Variants in RNF213 observed in about 807,000 individuals in gnomAD.
The protein encoded by RNF213 is ring finger protein 213.
In RNF213, 341 loss-of-function variants were observed where a neutral mutation model predicts 514.4. The ratio of observed to expected loss-of-function variants is 0.66; its 90% CI spans 0.61 to 0.73. The LOEUF is 0.73. Among genes scored for constraint, RNF213 ranks in the 30% least tolerant of loss-of-function variants. The probability of loss-of-function intolerance (pLI) is 0.00; values close to 1 mark genes in which losing one functional copy is unlikely to be tolerated. For synonymous variants in RNF213, 2,655 were observed against 2,658.2 expected, an observed-to-expected ratio of 1.00 and a Z score of 0.04; for missense variants, 5,767 against 6,615.6, an observed-to-expected ratio of 0.87 and a Z score of 4.45.
intron 20 of RNF213, among the ~76,000 whole-genome samples, chr17:80,329,694 G>A (rs925797895): frequency 2.6e-5 from 4 of 152,096 alleles, no homozygotes; most frequent in Non-Finnish European, 4.4e-5. Flanking sequence ...AGCAAGACAC[G>A]GTGGTGCATG....
Position 80,334,143 on chromosome 17 carries a change from C to G in RNF213, c.4182C>G (p.Asp1394Glu), listed in dbSNP as rs1430255373. Residue 1394 changes from aspartate (D) to glutamate (E), a missense_variant, in exon 22 of 68, where the codon GAC becomes GAG. Around this residue, in one of 13 missense-constraint regions of RNF213, gnomAD observed 516 missense variants for 566.5 expected, o/e 0.91. Coordinates refer to ENST00000582970, the MANE Select transcript of RNF213 (RefSeq NM_001256071.3). The part of the protein sequence containing the change: ...NFDDFRRETL[D>E]QINQELIQAK... ...ACGACTTTCGCCGTGAAACACTGGA[C>G]CAGATCAACCAGGAGCTCATCCAGG... is the stretch of plus-strand genomic sequence containing the variant. The G allele has an allele frequency of 1.3e-6, 2 of 1,537,108 alleles. No individual in the cohort carries two copies. The highest frequency in any genetic ancestry group is 2.7e-5 in the African/African-American group (2 of 73,016).
At position 80,372,511 on chromosome 17, in the gene RNF213, T is replaced by C. The variant is rs1555676818; in HGVS notation, c.12538-10T>C. The stretch of plus-strand genomic sequence containing the variant: ...TAATATCCTTTTCTTTCTTGTTCCT[T>C]GTTCCTCAGGATTCAATACTTGAGA... On this transcript the variant is annotated splice_polypyrimidine_tract_variant and intron_variant, in intron 47 of 67. Transcript: ENST00000582970. The C allele has an allele frequency of 1.2e-6, 2 of 1,602,558 alleles. No individual in the cohort carries two copies. Among genetic ancestry groups the C allele is most frequent in the Non-Finnish European group, 1.7e-6 (2 of 1,170,318 alleles).
At position 80,337,599 on chromosome 17, in the gene RNF213, G is replaced by A; in HGVS notation, c.4541G>A (p.Arg1514Lys). The A allele has an allele frequency of 1.3e-6, 2 of 1,537,328 alleles. No homozygotes were observed. Among genetic ancestry groups the A allele is most frequent in the Non-Finnish European group, 1.7e-6 (2 of 1,146,928 alleles). The change falls in exon 24 of 68, where the codon AGG becomes AAG. Residue 1514 changes from arginine (R) to lysine (K), a missense_variant. Physicochemically the swap from Arg to Lys is conservative, Grantham distance 26 (BLOSUM62 2). This residue lies in a region of RNF213 where 1,377 missense variants were observed against 1,635.2 expected (regional missense o/e 0.84). Transcript: ENST00000582970. ...TTGTCCCCATAGTGTGACTCCGCCA[G>A]GAACTTGGAATGGCTGAAGACTGTG... ...YLPRKLCDSA[R>K]NLEWLKTVNE...
At position 80,394,375 on chromosome 17, in the gene RNF213, T is replaced by C. The variant is rs1336713453; in HGVS notation, c.*877T>C. The C allele has an allele frequency of 2.0e-5, 3 of 152,216 alleles. No homozygotes were observed. 9.4% of individuals were successfully genotyped at this position (152,216 alleles called of 1,614,324 possible). On this transcript the variant is annotated 3_prime_UTR_variant, in exon 68 of 68. Coordinates refer to ENST00000582970, the MANE Select transcript of RNF213 (RefSeq NM_001256071.3). ...CAGTGTGCTCTCGCATGTATGAATATCTAGTCCTTTCTGTGGTTCTCAGCC... is the reference window on the plus strand; with the variant it reads ...CAGTGTGCTCTCGCATGTATGAATACCTAGTCCTTTCTGTGGTTCTCAGCC...
Position 80,360,188 on chromosome 17 carries a change from T to G in RNF213, c.11182T>G (p.Tyr3728Asp), listed in dbSNP as rs1832386770. The G allele has an allele frequency of 6.2e-7, 1 of 1,613,422 alleles. No homozygotes were observed. Among genetic ancestry groups the G allele is most frequent in the African/African-American group, 1.3e-5 (1 of 74,898 alleles). The part of the protein sequence containing the change: ...YLEELWVQAQ[Y>D]ITDAEGLPKK... The stretch of plus-strand genomic sequence containing the variant: ...GGAGGAGCTGTGGGTCCAGGCTCAG[T>G]ACATCACAGACGCAGAAGGTGAGGC... Residue 3728 changes from tyrosine (Y) to aspartate (D), a missense_variant, in exon 38 of 68, where the codon TAC becomes GAC. Physicochemically the swap from Tyr to Asp is radical, Grantham distance 160. Transcript: ENST00000582970.
intron 54 of RNF213, among the ~76,000 whole-genome samples, chr17:80,378,989 C>T (rs561611282): frequency 6.6e-6 from 1 of 152,220 alleles, no homozygotes; most frequent in East Asian, 1.9e-4. Flanking sequence ...GCCCGGGCAA[C>T]ATGTTGAAAC....
intron 67 of RNF213, among the ~76,000 whole-genome samples, chr17:80,390,796 G>C (rs983482430): frequency 2.6e-5 from 4 of 152,216 alleles, no homozygotes; most frequent in African/African-American, 9.6e-5. Context: ...GGGTGTGGAG[G>C]CTTACCCTGT....
Position 80,346,531 on chromosome 17 carries a change from T to C in RNF213, c.8196T>C (p.Phe2732=). The change falls in exon 29 of 68, where the codon TTT becomes TTC. Residue 2732 remains phenylalanine, a synonymous_variant. Coordinates refer to ENST00000582970, the MANE Select transcript of RNF213 (RefSeq NM_001256071.3). This position sits in a 1 kb window ranked among gnomAD's most constrained non-coding sequence, Gnocchi z 8.1. The part of the protein sequence containing the change: ...LDEITRAQDL[F]LDGVPLRKTI... ...AAATAACACGGGCACAGGATCTTTTTCTGGACGGCGTACCTCTGAGGAAAA... is the reference window on the plus strand; with the variant it reads ...AAATAACACGGGCACAGGATCTTTTCCTGGACGGCGTACCTCTGAGGAAAA... The C allele has an allele frequency of 6.2e-7, 1 of 1,613,516 alleles. No individual in the cohort carries two copies. The highest frequency in any genetic ancestry group is 1.1e-5 in the South Asian group (1 of 91,086).
chr17:80,388,490 A>G (rs575909649), intron 63 of RNF213, 122 bp from the exon 64 acceptor site: 83 of 762,862 alleles, frequency 1.1e-4, no homozygotes, highest in South Asian at 1.0e-3. Flanking sequence ...CTCTTAGCCA[A>G]GGGATACACA....
intron 11 of RNF213, among the ~76,000 whole-genome samples, chr17:80,305,534 A>G (rs12451223): frequency 0.35 from 52,481 of 151,596 alleles, 11,095 homozygotes; most frequent in African/African-American, 0.61. Context: ...GCTACCCCAT[A>G]GGAGCATGCC....
intron 64 of RNF213, 36 bp downstream of exon 64, chr17:80,388,725 TTC>T (rs1180668211): frequency 7.5e-6 from 11 of 1,465,040 alleles, no homozygotes; most frequent in Admixed American, 1.7e-5. Context: ...GCACGGGGCT[TTC>T]TGCCTTCTCA....
intron 10 of RNF213, among the ~76,000 whole-genome samples, chr17:80,296,461 C>T (rs557690121): frequency 6.6e-6 from 1 of 152,292 alleles, no homozygotes; most frequent in South Asian, 2.1e-4. Context: ...TCTCCCCATG[C>T]CCCTGCCTGT....
chr17:80,375,410 A>C (rs904244007), intron 50 of RNF213, among the ~76,000 whole-genome samples: 3 of 152,140 alleles, frequency 2.0e-5, no homozygotes, highest in Admixed American at 6.5e-5. Flanking sequence ...CCTTAGGTAG[A>C]TCTGGCAGGC....
chr17:80,304,127 C>G lies in RNF213; in HGVS notation c.2211-2125C>G, dbSNP rs147393240. On this transcript the variant is annotated intron_variant, in intron 11 of 67. Transcript: ENST00000582970. ...TTGAAAAGTCTGCAGTAGCATTGTT[C>G]CTAAAGATCCAATCGTTCAGGTAAA... Among the ~76,000 whole-genome samples the G allele has an allele frequency of 3.4e-3, 522 of 151,858 alleles. 4 individuals carry two copies. Among genetic ancestry groups the G allele is most frequent in the African/African-American group, 0.012 (500 of 41,384 alleles).
chr17:80,318,370 G>T (rs1568063939), intron 16 of RNF213, among the ~76,000 whole-genome samples: 1 of 152,104 alleles, frequency 6.6e-6, no homozygotes, highest in Non-Finnish European at 1.5e-5. Context: ...GTCTGCGTAG[G>T]ATTTCTCTGC....
At chr17:80,389,575 C>T (rs189287851) in intron 65 of RNF213, among the ~76,000 whole-genome samples, 13 of 152,306 alleles carry the variant, frequency 8.5e-5, no homozygotes, top group African/African-American at 3.1e-4. Context: ...TGCCAGCAGT[C>T]TAGATAGAGC....
chr17:80,378,132 C>T (rs1200889312), intron 54 of RNF213, among the ~76,000 whole-genome samples: 2 of 152,178 alleles, frequency 1.3e-5, no homozygotes, highest in Admixed American at 6.5e-5. Context: ...TGACAAAGGT[C>T]CCCTAGGAAA....
intron 18 of RNF213, among the ~76,000 whole-genome samples, chr17:80,327,221 T>A (rs1353363974): frequency 6.6e-6 from 1 of 152,192 alleles, no homozygotes; most frequent in African/African-American, 2.4e-5. Context: ...ACTCAGGCCA[T>A]GTGAGGTGGT....
chr17:80,275,765 T>A (rs1317412209), intron 3 of RNF213, among the ~76,000 whole-genome samples: 1 of 151,978 alleles, frequency 6.6e-6, no homozygotes, highest in Non-Finnish European at 1.5e-5. Context: ...CAGGTTCAAG[T>A]GATTGTCCTA....
Sources: gnomAD v4.1 joint callset for allele counts (sites outside exome capture counted in the v4.1 genomes callset) on GRCh38, gnomAD v4.1.1 for gene constraint, gnomAD v4.1.1 regional missense constraint, Gnocchi (gnomAD v3.1) non-coding constraint, MANE v1.5 for transcripts, NCBI Gene and HGNC (gene_info 2026-07-23, HGNC 2026-07-21) for gene names.